EDIL3: variants seen among roughly 807,000 people sequenced by gnomAD.
The protein encoded by EDIL3 is EGF-like repeat and discoidin I-like domain-containing protein 3.
EDIL3 carries 37 observed loss-of-function variants against 67.4 expected under a neutral mutation model. The ratio of observed to expected loss-of-function variants is 0.55; its 90% CI spans 0.42 to 0.72. The LOEUF (loss-of-function observed/expected upper bound fraction) is 0.72, where lower values mean the gene tolerates loss of function less well. Among genes scored for constraint, EDIL3 ranks in the 30% least tolerant of loss-of-function variants. EDIL3 has a pLI of 0.00. For synonymous variants in EDIL3, 195 were observed against 196.3 expected (o/e 0.99, Z 0.05); for missense variants, 527 against 586.3 (o/e 0.90, Z 1.04).
intron 9 of EDIL3, among the ~76,000 whole-genome samples, chr5:83,976,457 G>A (rs1422945301): frequency 6.6e-6 from 1 of 151,828 alleles, no homozygotes; most frequent in African/African-American, 2.4e-5. Flanking sequence ...TTTGTACACT[G>A]AGAATGCTTT....
intron 1 of EDIL3, among the ~76,000 whole-genome samples, chr5:84,355,565 T>G (rs1385507719): frequency 6.6e-6 from 1 of 152,070 alleles, no homozygotes; most frequent in Non-Finnish European, 1.5e-5. Flanking sequence ...CTGCTGGAGT[T>G]TGCTGGAGGT....
intron 1 of EDIL3, among the ~76,000 whole-genome samples, chr5:84,297,375 G>T (rs559949746): frequency 6.6e-6 from 1 of 152,170 alleles, no homozygotes; most frequent in Non-Finnish European, 1.5e-5. Flanking sequence ...AAAATTTCAA[G>T]AAACAACAGA....
chr5:84,130,044 C>G (rs927873726), intron 5 of EDIL3, among the ~76,000 whole-genome samples: 8 of 152,120 alleles, frequency 5.3e-5, no homozygotes, highest in Non-Finnish European at 1.2e-4. Context: ...CTCAAAGGAT[C>G]TATTTATTCA....
intron 1 of EDIL3, among the ~76,000 whole-genome samples, chr5:84,341,876 A>C (rs886388652): frequency 6.6e-6 from 1 of 152,076 alleles, no homozygotes; most frequent in Non-Finnish European, 1.5e-5. Context: ...TAATGCAAGT[A>C]TTATAGTTTA....
intron 3 of EDIL3, among the ~76,000 whole-genome samples, chr5:84,192,144 C>CA (rs1418685701): frequency 6.6e-6 from 1 of 151,638 alleles, no homozygotes; most frequent in Non-Finnish European, 1.5e-5. Context: ...TTAATAATTG[C>CA]AAAATCATAA....
intron 9 of EDIL3, among the ~76,000 whole-genome samples, chr5:84,005,099 TAAA>T (rs1487339026): frequency 6.6e-6 from 1 of 152,022 alleles, no homozygotes; most frequent in Non-Finnish European, 1.5e-5. Context: ...AAGGAATGGA[TAAA>T]TACATTCAAT....
intron 10 of EDIL3, among the ~76,000 whole-genome samples, chr5:83,948,074 T>C (rs924646272): frequency 1.3e-5 from 2 of 151,816 alleles, no homozygotes; most frequent in Non-Finnish European, 2.9e-5. Context: ...AATATTTCTA[T>C]CAATGCAGTC....
chr5:84,338,687 G>T (rs1747037368), intron 1 of EDIL3, among the ~76,000 whole-genome samples: 1 of 152,140 alleles, frequency 6.6e-6, no homozygotes, highest in Admixed American at 6.6e-5. Context: ...TTCATACATT[G>T]TGAAGTCACA....
chr5:84,339,895 T>G (rs1747065046), intron 1 of EDIL3, among the ~76,000 whole-genome samples: 1 of 152,074 alleles, frequency 6.6e-6, no homozygotes, highest in Admixed American at 6.6e-5. Flanking sequence ...TTATTGAATT[T>G]TATTCTTGTT....
chr5:84,165,960 A>G (rs902507262), intron 4 of EDIL3, among the ~76,000 whole-genome samples: 4 of 152,100 alleles, frequency 2.6e-5, no homozygotes, highest in African/African-American at 9.7e-5. Flanking sequence ...TCATTTAACA[A>G]TAACCCTTTC....
In EDIL3 at chr5:84,208,284, G is replaced by A. The variant is rs1744029443; in HGVS notation, c.226+21571C>T. Among the ~76,000 whole-genome samples, 3 of 152,066 alleles carry A rather than the reference G, an allele frequency of 2.0e-5. 1 individual carries two copies. The highest frequency in any genetic ancestry group is 4.1e-4 in the South Asian group (2 of 4,826). ...AAAGAAGACATTTATGCAGCCAAAA[G>A]ACACATGAAAAAATGCTCATCATCC... On this transcript the variant is annotated intron_variant, in intron 3 of 10. Coordinates refer to ENST00000296591, the MANE Select transcript of EDIL3 (RefSeq NM_005711.5).
chr5:84,113,555 T>C (rs1358138833), intron 5 of EDIL3, among the ~76,000 whole-genome samples: 1 of 152,106 alleles, frequency 6.6e-6, no homozygotes, highest in African/African-American at 2.4e-5. Flanking sequence ...ATAAAATAGC[T>C]TCAAAGTGGA....
At chr5:84,181,678 G>C (rs1162645329) in intron 3 of EDIL3, among the ~76,000 whole-genome samples, 1 of 152,082 alleles carries the variant, frequency 6.6e-6, no homozygotes, top group Non-Finnish European at 1.5e-5. Context: ...TCTTCCTGCA[G>C]GATGTTAATT....
chr5:84,165,752 C>T (rs1350507872), intron 4 of EDIL3, among the ~76,000 whole-genome samples: 4 of 152,192 alleles, frequency 2.6e-5, no homozygotes, highest in African/African-American at 9.6e-5. Flanking sequence ...AGGATGGCAC[C>T]ACGTGCAAGG....
intron 3 of EDIL3, among the ~76,000 whole-genome samples, chr5:84,192,819 T>G (rs758183271): frequency 6.6e-6 from 1 of 151,856 alleles, no homozygotes; most frequent in Non-Finnish European, 1.5e-5. Context: ...AATGTGATAA[T>G]CAAATAAGAA....
intron 9 of EDIL3, among the ~76,000 whole-genome samples, chr5:84,054,136 A>T (rs186668830): frequency 6.6e-6 from 1 of 152,232 alleles, no homozygotes; most frequent in South Asian, 2.1e-4. Flanking sequence ...CATCCCTGGG[A>T]TGCAAGGCTG....
chr5:84,186,075 CCA>C (rs1743426711), intron 3 of EDIL3, among the ~76,000 whole-genome samples: 2 of 151,960 alleles, frequency 1.3e-5, no homozygotes, highest in Non-Finnish European at 2.9e-5. Context: ...GCAACAGTTT[CCA>C]GTTTTATTGC....
chr5:83,950,770 T>C (rs1271399112), intron 10 of EDIL3, among the ~76,000 whole-genome samples: 1 of 151,778 alleles, frequency 6.6e-6, no homozygotes, highest in African/African-American at 2.4e-5. Context: ...AAATCCAACT[T>C]CTTTATTCTC....
chr5:83,943,326 A>T lies in EDIL3; in HGVS notation c.*93T>A. ...GCACTTTTTCATGAAAAAAAAAAAA[A>T]AACCATTCAGTTTCCTACAGATTTT... On this transcript the variant is annotated 3_prime_UTR_variant, in exon 11 of 11. Coordinates refer to ENST00000296591, the MANE Select transcript of EDIL3 (RefSeq NM_005711.5). 1 of 1,543,550 alleles carries T rather than the reference A, an allele frequency of 6.5e-7. No homozygotes were observed. The highest frequency in any genetic ancestry group is 8.7e-7 in the Non-Finnish European group (1 of 1,145,218).
Sources: allele counts gnomAD v4.1 joint callset (sites outside exome capture counted in the v4.1 genomes callset), GRCh38; gene constraint gnomAD v4.1.1; transcripts MANE v1.5; gene names NCBI Gene and HGNC (gene_info 2026-07-23, HGNC 2026-07-21).